The following CPT1C variants were observed in gnomAD, a reference collection of about 807,000 sequenced individuals.
CPT1C encodes the protein carnitine palmitoyltransferase 1C.
A neutral mutation model predicts 97.3 loss-of-function variants in CPT1C; 61 were observed. The observed-to-expected ratio is 0.63, with a 90% confidence interval of 0.51 to 0.78. The LOEUF is 0.78. Among genes scored for constraint, CPT1C ranks in the 30% least tolerant of loss-of-function variants. CPT1C has a pLI of 0.00. For missense variants in CPT1C, 975 were observed against 1,065.5 expected, an observed-to-expected ratio of 0.92 and a Z score of 1.18; for synonymous variants, 469 against 447.2, an observed-to-expected ratio of 1.05 and a Z score of -0.61.
At position 49,713,481 on chromosome 19, in the gene CPT1C, A is replaced by T; in HGVS notation, c.2288A>T (p.Gln763Leu). The T allele has an allele frequency of 6.2e-7, 1 of 1,614,202 alleles. No individual in the cohort carries two copies. Among genetic ancestry groups the T allele is most frequent in the Non-Finnish European group, 8.5e-7 (1 of 1,180,034 alleles). Residue 763 changes from glutamine to leucine, a missense_variant, in exon 20 of 20, where the codon CAG becomes CTG. By Grantham distance (113) the Gln-to-Leu change is moderately radical. This residue lies in a region of CPT1C where 344 missense variants were observed against 395.7 expected (regional missense o/e 0.87). Transcript: ENST00000598293. ...CTGCTGGATGTGGCCTCCCTGTTCC[A>T]GGCGGGACAGCATTTTAAGCGCCGG... ...DALLDVASLF[Q>L]AGQHFKRRFR...
Position 49,706,247 on chromosome 19 carries a change from G to T in CPT1C, c.1177G>T (p.Val393Leu). ...GCCCTCCAGGGGCACGTGGGCCCAG[G>T]TGCGGACATCCCTGAAGACCCAGGC... ...TAAPRGTWAQ[V>L]RTSLKTQAAE... The change falls in exon 12 of 20, where the codon GTG (valine) becomes TTG (leucine). Residue 393 changes from valine to leucine, a missense_variant. Val to Leu is a conservative substitution (Grantham distance 32). This residue lies in a region of CPT1C where 596 missense variants were observed against 603.1 expected (regional missense o/e 0.99). Coordinates refer to ENST00000598293, the MANE Select transcript of CPT1C (RefSeq NM_001199753.2). The surrounding 1 kb of genome is among the most constrained non-coding windows in gnomAD (Gnocchi z 4.8). 1 of 1,539,714 alleles carries T rather than the reference G, an allele frequency of 6.5e-7. No individual in the cohort carries two copies. Among genetic ancestry groups the T allele is most frequent in the Non-Finnish European group, 8.7e-7 (1 of 1,145,798 alleles).
intron 15 of CPT1C, 97 bp downstream of exon 15, chr19:49,710,581 G>T (rs767688865): frequency 1.3e-5 from 20 of 1,573,872 alleles, no homozygotes; most frequent in Non-Finnish European, 1.6e-5. Context: ...CGCTGCCATT[G>T]TGGGTCGGCC....
chr19:49,706,514 C>T lies in CPT1C; in HGVS notation c.1343+101C>T, dbSNP rs988311925. On this transcript the variant is annotated intron_variant, in intron 12 of 19. Transcript: ENST00000598293. The surrounding 1 kb of genome is among the most constrained non-coding windows in gnomAD (Gnocchi z 4.8). ...AGACAGCCAGACCCTGGAGCCCACA[C>T]CTGCAGAGTCTGTAGACCAGGGGCT... The T allele has an allele frequency of 2.9e-6, 3 of 1,037,968 alleles. No individual in the cohort carries two copies. The highest frequency in any genetic ancestry group is 3.2e-5 in the East Asian group (1 of 31,006). The allele number at this position is 1,037,968 out of a possible 1,614,324, so 64.3% of individuals were successfully genotyped here. A position where few individuals can be genotyped will look rare whatever the true frequency, so the allele number is the denominator to read the frequency against.
intron 19 of CPT1C, 165 bp from the exon 20 acceptor site, chr19:49,713,255 A>C: frequency 2.7e-6 from 2 of 736,312 alleles, no homozygotes; most frequent in Non-Finnish European, 4.4e-6. Flanking sequence ...CCTCCCTCAG[A>C]CCCGGGAGTC....
Position 49,705,249 on chromosome 19 carries a change from C to T in CPT1C, c.915C>T (p.Ala305=), listed in dbSNP as rs757974325. 4 of 1,612,720 alleles carry T rather than the reference C, an allele frequency of 2.5e-6. 1 individual carries two copies. In the South Asian group the frequency reaches 4.4e-5, roughly 18 times the overall value. The change falls in exon 10 of 20, where the codon GCC becomes GCT. Residue 305 remains alanine, a synonymous_variant. Transcript: ENST00000598293. ...TGGGAATGCGCCCCTTATGCTCTGC[C>T]CAGTACGAGAAGATCTTCAACACCA... ...LLMGMRPLCS[A]QYEKIFNTTR...
At chr19:49,696,104 T>C (rs1271660232) in intron 3 of CPT1C, among the ~76,000 whole-genome samples, 1 of 152,152 alleles carries the variant, frequency 6.6e-6, no homozygotes, top group African/African-American at 2.4e-5. Flanking sequence ...CTGGAATGCC[T>C]GACCTCAGGT....
Position 49,697,473 on chromosome 19 carries a change from C to A in CPT1C, c.281+8C>A, listed in dbSNP as rs751484103. On this transcript the variant is annotated splice_region_variant and intron_variant, in intron 4 of 19. Coordinates refer to ENST00000598293, the MANE Select transcript of CPT1C (RefSeq NM_001199753.2). ...AGAGTTGCTGCCTGACTGGTGAGGT[C>A]CCCCCACTCCAGCCCAGTAACCCCC... 16 of 1,612,506 alleles carry A rather than the reference C, an allele frequency of 9.9e-6. No homozygotes were observed. In the Admixed American group the frequency reaches 1.2e-4, roughly 12 times the overall value.
At chr19:49,710,287 C>G in intron 14 of CPT1C, 33 bp from the exon 15 acceptor site, 2 of 1,607,886 alleles carry the variant, frequency 1.2e-6, no homozygotes, top group Non-Finnish European at 1.7e-6. Flanking sequence ...CATCTGTAAC[C>G]CCAACTACTC....
chr19:49,697,385 T>C lies in CPT1C; in HGVS notation c.201T>C (p.Ser67=), dbSNP rs2082729577. The change falls in exon 4 of 20, where the codon AGT becomes AGC. Residue 67 remains serine (S), a synonymous_variant. Transcript: ENST00000598293. ...CCCTCAGTTGGCTTTTCCTCTTCAG[T>C]GCCATCCAGCTTGCCTGGTTCCTCC... ...ASPLSWLFLF[S]AIQLAWFLQL... 1 of 1,614,050 alleles carries C rather than the reference T, an allele frequency of 6.2e-7. No individual in the cohort carries two copies. Among genetic ancestry groups the C allele is most frequent in the Non-Finnish European group, 8.5e-7 (1 of 1,180,036 alleles).
At chr19:49,710,680 T>G in intron 15 of CPT1C, 43 bp from the exon 16 acceptor site, 1 of 1,598,196 alleles carries the variant, frequency 6.3e-7, no homozygotes, top group Non-Finnish European at 8.6e-7. Flanking sequence ...TAAGATCTCC[T>G]GAGCCCAGCT....
chr19:49,704,006 C>CA (rs1568526435), intron 7 of CPT1C, among the ~76,000 whole-genome samples: 2 of 152,038 alleles, frequency 1.3e-5, no homozygotes, highest in African/African-American at 2.4e-5. Context: ...ACAACAACAA[C>CA]AAAAAACCCT....
chr19:49,708,912 C>A (rs1352159564), intron 14 of CPT1C, 73 bp downstream of exon 14: 1 of 950,686 alleles, frequency 1.1e-6, no homozygotes, highest in Non-Finnish European at 1.7e-6. Context: ...CATCCCCACC[C>A]CTAATCTGAA....
intron 17 of CPT1C, 115 bp from the exon 18 acceptor site, chr19:49,712,621 A>G (rs1215084207): frequency 4.0e-6 from 3 of 742,070 alleles, no homozygotes; most frequent in Non-Finnish European, 7.1e-6. Context: ...GGTTAGGGAG[A>G]AGGAGGCCCG....
intron 16 of CPT1C, chr19:49,711,493 C>T (rs1194720059): frequency 5.4e-6 from 2 of 368,252 alleles, no homozygotes; most frequent in African/African-American, 2.0e-5. Context: ...CCTCTCTGCC[C>T]AGATCCCACC....
Position 49,706,185 on chromosome 19 carries a change from G to A in CPT1C, c.1161-46G>A. 7 of 1,547,060 alleles carry A rather than the reference G, an allele frequency of 4.5e-6. No homozygotes were observed. The highest frequency in any genetic ancestry group is 6.1e-6 in the Non-Finnish European group (7 of 1,146,658). On this transcript the variant is annotated intron_variant, in intron 11 of 19. Transcript: ENST00000598293. This position sits in a 1 kb window ranked among gnomAD's most constrained non-coding sequence, Gnocchi z 4.8. The stretch of plus-strand genomic sequence containing the variant: ...CTGTGGAAGGGCAGGGTGGGGCCAG[G>A]TGGCGGCTGGGCAGGATGGACTCAG...
chr19:49,712,904 G>A, intron 18 of CPT1C, 55 bp downstream of exon 18: 1 of 1,589,360 alleles, frequency 6.3e-7, no homozygotes, highest in South Asian at 1.1e-5. Flanking sequence ...TGGGGGGCCT[G>A]CACTCCTGCA....
intron 7 of CPT1C, among the ~76,000 whole-genome samples, chr19:49,704,302 G>A (rs1241782071): frequency 6.6e-6 from 1 of 152,176 alleles, no homozygotes; most frequent in Non-Finnish European, 1.5e-5. Context: ...CTACCGAGTA[G>A]CCGGGATTAC....
In CPT1C at chr19:49,706,061, T is replaced by G; in HGVS notation, c.1117T>G (p.Cys373Gly). The part of the protein sequence containing the change: ...QRILDDPSPA[C>G]PHEEHLAALT... ...AATCCTGGATGATCCCTCACCGGCC[T>G]GCCCCCACGAGGAACATCTGGCAGC... The change falls in exon 11 of 20, where the codon TGC (cysteine) becomes GGC (glycine). Residue 373 changes from cysteine to glycine, a missense_variant. Cys to Gly is a radical substitution (Grantham distance 159). Around this residue, in one of 3 missense-constraint regions of CPT1C, gnomAD observed 596 missense variants for 603.1 expected, o/e 0.99. Transcript: ENST00000598293. This position sits in a 1 kb window ranked among gnomAD's most constrained non-coding sequence, Gnocchi z 4.8. 3 of 1,613,772 alleles carry G rather than the reference T, an allele frequency of 1.9e-6. No individual in the cohort carries two copies. Among genetic ancestry groups the G allele is most frequent in the Non-Finnish European group, 2.5e-6 (3 of 1,179,868 alleles).
intron 7 of CPT1C, among the ~76,000 whole-genome samples, chr19:49,704,145 GT>G (rs1291716324): frequency 6.6e-6 from 1 of 152,126 alleles, no homozygotes; most frequent in Non-Finnish European, 1.5e-5. Flanking sequence ...CATATTTATT[GT>G]TTTATAAATT....
Sources: allele counts gnomAD v4.1 joint callset (sites outside exome capture counted in the v4.1 genomes callset), GRCh38; gene constraint gnomAD v4.1.1; regional missense constraint gnomAD v4.1.1; non-coding constraint Gnocchi (gnomAD v3.1); transcripts MANE v1.5; gene names NCBI Gene and HGNC (gene_info 2026-07-23, HGNC 2026-07-21).